FAAH2: variants seen among roughly 807,000 people sequenced by gnomAD.
FAAH2 encodes fatty-acid amide hydrolase 2.
FAAH2 carries 60 observed loss-of-function variants against 36.9 expected under a neutral mutation model. The ratio of observed to expected loss-of-function variants is 1.63; its 90% CI spans 1.32 to 2.02. The LOEUF (loss-of-function observed/expected upper bound fraction) is 2.02. FAAH2 is among the 30% of genes most tolerant of loss of function. FAAH2 has a pLI of 0.00. For synonymous variants in FAAH2, 214 were observed against 143.8 expected (o/e 1.49, Z -3.49); for missense variants, 689 against 397.5 (o/e 1.73, Z -6.23).
chrX:57,417,407 T>A (rs913306432), intron 7 of FAAH2, among the ~76,000 whole-genome samples: 26 of 111,673 alleles, frequency 2.3e-4, no homozygotes, highest in African/African-American at 8.5e-4. Flanking sequence ...TTGGATGGGG[T>A]TTCTGTGTGG....
intron 7 of FAAH2, among the ~76,000 whole-genome samples, chrX:57,401,191 G>T (rs960933939): frequency 3.6e-5 from 4 of 111,503 alleles, no homozygotes; most frequent in African/African-American, 1.3e-4. Context: ...GTTTCTGAAC[G>T]GGCAGCTAAA....
At chrX:57,242,179 G>A in the FAAH2 span, among the ~76,000 whole-genome samples, 559 of 112,072 alleles carry the variant, frequency 5.0e-3, 3 homozygotes, top group Middle Eastern at 0.019. Context: ...CTCCCAGCAG[G>A]GGTCAGCAGA....
chrX:57,462,818 G>A (rs994025767), intron 10 of FAAH2, among the ~76,000 whole-genome samples: 4 of 112,160 alleles, frequency 3.6e-5, no homozygotes, highest in African/African-American at 9.7e-5. Flanking sequence ...GGCCAATCTG[G>A]CAGGAGAAAG....
intron 10 of FAAH2, among the ~76,000 whole-genome samples, chrX:57,459,312 A>C (rs1265136858): frequency 8.9e-6 from 1 of 112,283 alleles, no homozygotes; most frequent in African/African-American, 3.2e-5. Context: ...CTCTGAAAGA[A>C]AGGCAGCAGC....
the FAAH2 span, among the ~76,000 whole-genome samples, chrX:57,279,725 G>C: frequency 1.8e-5 from 2 of 111,756 alleles, no homozygotes; most frequent in Admixed American, 1.9e-4. Context: ...CACATAAACA[G>C]AACTAAAGAC....
the FAAH2 span, among the ~76,000 whole-genome samples, chrX:57,212,096 T>C: frequency 1.8e-5 from 2 of 111,345 alleles, no homozygotes; most frequent in Admixed American, 9.6e-5. Flanking sequence ...GCCAGGCCTG[T>C]AGGTGGCAAC....
chrX:57,203,945 T>C, the FAAH2 span, among the ~76,000 whole-genome samples: 1 of 111,801 alleles, frequency 8.9e-6, no homozygotes, highest in African/African-American at 3.3e-5. Context: ...CAGTTGAGGT[T>C]GAGGTGCCAC....
chrX:57,145,532 C>T, the FAAH2 span, among the ~76,000 whole-genome samples: 2 of 111,857 alleles, frequency 1.8e-5, no homozygotes, highest in Non-Finnish European at 3.8e-5. Context: ...ATGACTGTTC[C>T]TTTTGTTGTG....
At chrX:57,234,672 C>T in the FAAH2 span, among the ~76,000 whole-genome samples, 3 of 111,196 alleles carry the variant, frequency 2.7e-5, no homozygotes, top group South Asian at 1.1e-3. Context: ...GTTCAATCTC[C>T]TGTAAGAATC....
chrX:57,466,978 G>A (rs1440691280), intron 10 of FAAH2, among the ~76,000 whole-genome samples: 2 of 111,483 alleles, frequency 1.8e-5, no homozygotes, highest in East Asian at 5.7e-4. Context: ...TTGGCTTATA[G>A]AGGTCTCAAA....
the FAAH2 span, among the ~76,000 whole-genome samples, chrX:57,200,846 C>T: frequency 9.0e-6 from 1 of 111,309 alleles, no homozygotes; most frequent in Admixed American, 9.5e-5. Context: ...TTTTTACTTA[C>T]CATTACCAGT....
chrX:57,401,969 G>C (rs1277887288), intron 7 of FAAH2, among the ~76,000 whole-genome samples: 1 of 111,408 alleles, frequency 9.0e-6, no homozygotes, highest in Non-Finnish European at 1.9e-5. Context: ...AGTATCTAGT[G>C]ACTGGCTGTC....
intron 8 of FAAH2, among the ~76,000 whole-genome samples, chrX:57,436,273 A>G (rs958962953): frequency 1.7e-4 from 19 of 110,913 alleles, no homozygotes; most frequent in Non-Finnish European, 3.2e-4. Flanking sequence ...TAGGAACATT[A>G]CAAATTAACA....
the FAAH2 span, among the ~76,000 whole-genome samples, chrX:57,169,901 C>G: frequency 2.7e-5 from 3 of 109,362 alleles, no homozygotes; most frequent in Non-Finnish European, 5.7e-5. Context: ...CACAAACACA[C>G]ACACACACCC....
chrX:57,296,094 G>C (rs1354869815), intron 2 of FAAH2, among the ~76,000 whole-genome samples: 1 of 112,098 alleles, frequency 8.9e-6, no homozygotes, highest in Non-Finnish European at 1.9e-5. Flanking sequence ...TGACAGATTT[G>C]AAGAGAGTAG....
chrX:57,337,724 T>C (rs1463355857), intron 4 of FAAH2, among the ~76,000 whole-genome samples: 1 of 112,031 alleles, frequency 8.9e-6, no homozygotes, highest in African/African-American at 3.2e-5. Context: ...TTAAAAACTT[T>C]TAATAAACTA....
chrX:57,149,017 C>T, the FAAH2 span, among the ~76,000 whole-genome samples: 1 of 111,813 alleles, frequency 8.9e-6, no homozygotes, highest in African/African-American at 3.2e-5. Flanking sequence ...TTGAGATAAT[C>T]ATGTGGTTTT....
At chrX:57,442,196 G>A (rs936428792) in intron 8 of FAAH2, among the ~76,000 whole-genome samples, 4 of 110,915 alleles carry the variant, frequency 3.6e-5, no homozygotes, top group Non-Finnish European at 7.5e-5. Flanking sequence ...TCTGTCTAAT[G>A]TTGAGAGTGG....
At chrX:57,185,704 G>T in the FAAH2 span, among the ~76,000 whole-genome samples, 1 of 109,480 alleles carries the variant, frequency 9.1e-6, no homozygotes, top group Non-Finnish European at 1.9e-5. Flanking sequence ...GCTCTCCCTC[G>T]CCTTTCCCCC....
Sources: gnomAD v4.1 joint callset for allele counts (sites outside exome capture counted in the v4.1 genomes callset) on GRCh38, gnomAD v4.1.1 for gene constraint, MANE v1.5 for transcripts, NCBI Gene and HGNC (gene_info 2026-07-23, HGNC 2026-07-21) for gene names.